TNIK: variants seen among roughly 807,000 people sequenced by gnomAD.
TNIK encodes TRAF2 and NCK interacting kinase.
A neutral mutation model predicts 191.3 loss-of-function variants in TNIK; 49 were observed. The observed-to-expected ratio is 0.26, with a 90% CI of 0.20 to 0.32. TNIK has a LOEUF of 0.32. Ranked by LOEUF, TNIK falls within the 10% of genes least tolerant of loss-of-function variation. The pLI, the probability that TNIK is intolerant of heterozygous loss-of-function variation, is 1.00. For synonymous variants in TNIK, 594 were observed against 600.9 expected (o/e 0.99, Z 0.17); for missense variants, 1,155 against 1,702.3 (o/e 0.68, Z 5.66).
intron 2 of TNIK, among the ~76,000 whole-genome samples, chr3:171,368,802 T>C (rs1559984048): frequency 6.6e-6 from 1 of 152,148 alleles, no homozygotes; most frequent in Non-Finnish European, 1.5e-5. Flanking sequence ...CCCATATCGC[T>C]GCCACTAGGG....
chr3:171,450,026 A>C (rs1370582619), intron 1 of TNIK, among the ~76,000 whole-genome samples: 3 of 151,536 alleles, frequency 2.0e-5, no homozygotes, highest in Non-Finnish European at 4.4e-5. Context: ...ATGAAGTGAG[A>C]CTCCGTCTCA....
intron 9 of TNIK, among the ~76,000 whole-genome samples, chr3:171,168,731 T>TC (rs1734922125): frequency 6.6e-6 from 1 of 152,334 alleles, no homozygotes; most frequent in African/African-American, 2.4e-5. Context: ...AGCAGGACAC[T>TC]CTGTGCACCT....
intron 2 of TNIK, among the ~76,000 whole-genome samples, chr3:171,315,255 G>C (rs1022583187): frequency 6.6e-6 from 1 of 152,058 alleles, no homozygotes; most frequent in Non-Finnish European, 1.5e-5. Context: ...ACAACCACAC[G>C]GGCCATTATT....
chr3:171,188,629 G>A lies in TNIK; in HGVS notation c.639+73C>T, dbSNP rs112151810. On this transcript the variant is annotated intron_variant, in intron 7 of 32. Transcript: ENST00000436636. ...TGGGTGACATAAATCATAAATATAA[G>A]GGCATGTAAGACTTTATAAGACTCA... is the stretch of plus-strand genomic sequence containing the variant. The A allele has an allele frequency of 7.2e-3, 11,099 of 1,548,946 alleles. 61 individuals carry two copies. Among genetic ancestry groups the A allele is most frequent in the Admixed American group, 0.019 (1,008 of 54,070 alleles).
intron 2 of TNIK, among the ~76,000 whole-genome samples, chr3:171,271,406 C>G (rs1293840507): frequency 6.6e-6 from 1 of 152,216 alleles, no homozygotes; most frequent in Non-Finnish European, 1.5e-5. Context: ...TTTCAAACAT[C>G]ATTTCCATGA....
chr3:171,438,784 A>T (rs1726365278), intron 1 of TNIK, among the ~76,000 whole-genome samples: 1 of 152,170 alleles, frequency 6.6e-6, no homozygotes, highest in African/African-American at 2.4e-5. Context: ...AGGTTAACAA[A>T]AGGAAGAGTG....
At chr3:171,356,385 T>A (rs545949371) in intron 2 of TNIK, among the ~76,000 whole-genome samples, 11 of 152,296 alleles carry the variant, frequency 7.2e-5, no homozygotes, top group Non-Finnish European at 1.5e-4. Flanking sequence ...CTTATCTTTC[T>A]GGGAAAACAC....
chr3:171,131,691 T>A (rs1729317832), intron 15 of TNIK, among the ~76,000 whole-genome samples: 2 of 152,230 alleles, frequency 1.3e-5, no homozygotes, highest in Admixed American at 6.5e-5. Context: ...ACGTACTTTG[T>A]CTCAAGAAAA....
intron 12 of TNIK, among the ~76,000 whole-genome samples, chr3:171,141,168 T>C (rs1730780444): frequency 6.6e-6 from 1 of 152,214 alleles, no homozygotes; most frequent in South Asian, 2.1e-4. Context: ...CGTCATCACC[T>C]CATACAATTA....
chr3:171,226,039 C>T lies in TNIK; in HGVS notation c.180+2126G>A, dbSNP rs578198919. 4.6e-5 allele frequency among the ~76,000 whole-genome samples: 7 copies of T among 152,216 alleles called. No homozygotes were observed. The South Asian group carries it at 6.2e-4, about 14-fold the overall frequency. ...GTTGGAGCTTTGTAAAATGTTTACACGTTTATAATGGGTTTCTATGTAGAG... is the reference window on the plus strand; with the variant it reads ...GTTGGAGCTTTGTAAAATGTTTACATGTTTATAATGGGTTTCTATGTAGAG... On this transcript the variant is annotated intron_variant, in intron 3 of 32. Transcript: ENST00000436636.
chr3:171,228,042 G>A, intron 3 of TNIK, 123 bp downstream of exon 3: 1 of 1,092,464 alleles, frequency 9.2e-7, no homozygotes, highest in South Asian at 1.4e-5. Flanking sequence ...CAGGTTATGT[G>A]TATTAAATGC....
intron 1 of TNIK, among the ~76,000 whole-genome samples, chr3:171,439,778 A>G (rs1340098003): frequency 2.6e-5 from 4 of 152,156 alleles, no homozygotes; most frequent in Non-Finnish European, 4.4e-5. Context: ...CTGGACCACA[A>G]ATTCCTCGCT....
intron 2 of TNIK, among the ~76,000 whole-genome samples, chr3:171,247,189 A>G (rs1577239941): frequency 6.6e-6 from 1 of 152,212 alleles, no homozygotes; most frequent in Non-Finnish European, 1.5e-5. Context: ...TCACCCTGTC[A>G]CCATCTTCCC....
chr3:171,255,217 C>T (rs1746703226), intron 2 of TNIK, among the ~76,000 whole-genome samples: 1 of 152,296 alleles, frequency 6.6e-6, no homozygotes, highest in Non-Finnish European at 1.5e-5. Context: ...GCCAACAAAA[C>T]CTGATATGAG....
At chr3:171,290,127 C>T (rs11717665) in intron 2 of TNIK, among the ~76,000 whole-genome samples, 6,522 of 152,244 alleles carry the variant, frequency 0.043, 194 homozygotes, top group African/African-American at 0.087. Flanking sequence ...GCTTGTAGCA[C>T]TTTGGGCTCT....
chr3:171,167,109 T>C lies in TNIK; in HGVS notation c.935A>G (p.Lys312Arg). The change falls in exon 10 of 33, where the codon AAG becomes AGG. Residue 312 changes from lysine to arginine, a missense_variant. Physicochemically the swap from Lys to Arg is conservative, Grantham distance 26. Around this residue, in one of 3 missense-constraint regions of TNIK, gnomAD observed 225 missense variants for 438.9 expected, o/e 0.51. Transcript: ENST00000436636. ...LKDHIDRTKK[K>R]RGEKDETEYE... Reference sequence around the variant, plus strand: ...GTGCGTCTAACCTTTTTCTCCTCGCTTCTTCTTTGTTCTATCAATATGGTC... The same window carrying C: ...GTGCGTCTAACCTTTTTCTCCTCGCCTCTTCTTTGTTCTATCAATATGGTC... 1 of 1,610,764 alleles carries C rather than the reference T, an allele frequency of 6.2e-7. No homozygotes were observed. The highest frequency in any genetic ancestry group is 8.5e-7 in the Non-Finnish European group (1 of 1,178,504).
intron 7 of TNIK, among the ~76,000 whole-genome samples, chr3:171,186,025 T>TGAAA (rs1396888229): frequency 6.6e-6 from 1 of 152,198 alleles, no homozygotes; most frequent in Non-Finnish European, 1.5e-5. Context: ...AAACACACAG[T>TGAAA]GAAATCCTCG....
intron 1 of TNIK, among the ~76,000 whole-genome samples, chr3:171,430,260 ACCTCTACACCTAATTTT>A (rs1725200567): frequency 2.6e-5 from 4 of 152,190 alleles, no homozygotes; most frequent in Non-Finnish European, 4.4e-5. Flanking sequence ...AGTGAATTTT[ACCTCTACACCTAATTTT>A]AAAAAACAAA....
intron 18 of TNIK, 119 bp downstream of exon 18, chr3:171,123,477 C>A: frequency 1.4e-6 from 1 of 723,464 alleles, no homozygotes; most frequent in South Asian, 2.4e-5. Flanking sequence ...GTTTATAGTG[C>A]ACATGGAAAG....
Sources: allele counts gnomAD v4.1 joint callset (sites outside exome capture counted in the v4.1 genomes callset), GRCh38; gene constraint gnomAD v4.1.1; regional missense constraint gnomAD v4.1.1; transcripts MANE v1.5; gene names NCBI Gene and HGNC (gene_info 2026-07-23, HGNC 2026-07-21).